COL21A1: variants seen among roughly 807,000 people sequenced by gnomAD.
The protein encoded by COL21A1 is collagen alpha-1(XXI) chain.
In COL21A1, 149 loss-of-function variants were observed where a neutral mutation model predicts 137.9. The observed-to-expected ratio is 1.08, with a 90% confidence interval of 0.95 to 1.24. COL21A1 has a LOEUF of 1.24. Ranked by LOEUF, COL21A1 falls within the 50% of genes most tolerant of loss-of-function variation. The pLI is 0.00. For synonymous variants in COL21A1, 456 were observed against 391.5 expected (o/e 1.16, Z -1.95); for missense variants, 1,167 against 1,158.4 (o/e 1.01, Z -0.11).
intron 1 of COL21A1, among the ~76,000 whole-genome samples, chr6:56,340,568 A>C (rs911745163): frequency 6.6e-6 from 1 of 152,172 alleles, no homozygotes; most frequent in African/African-American, 2.4e-5. Flanking sequence ...AATATTTCAT[A>C]TATAATTATT....
chr6:56,109,362 A>C (rs977665151), intron 16 of COL21A1, among the ~76,000 whole-genome samples: 1 of 151,858 alleles, frequency 6.6e-6, no homozygotes, highest in African/African-American at 2.4e-5. Flanking sequence ...AATGATGACC[A>C]AGGGAGAATA....
At chr6:56,148,283 G>A (rs1172508482) in intron 10 of COL21A1, among the ~76,000 whole-genome samples, 1 of 149,280 alleles carries the variant, frequency 6.7e-6, no homozygotes, top group African/African-American at 2.5e-5. Context: ...CCAAGGGTAG[G>A]ATAGTTCATT....
At chr6:56,393,612 G>A (rs949489910) in intron 1 of COL21A1, among the ~76,000 whole-genome samples, 2 of 152,304 alleles carry the variant, frequency 1.3e-5, no homozygotes, top group African/African-American at 4.8e-5. Context: ...AGACAAAATA[G>A]TGTATAGAGA....
At chr6:56,164,899 T>A in intron 7 of COL21A1, 77 bp from the exon 8 acceptor site, 1 of 1,113,526 alleles carries the variant, frequency 9.0e-7, no homozygotes, top group Non-Finnish European at 1.3e-6. Context: ...TTACAGATAT[T>A]TCACCATCCA....
At chr6:56,136,768 G>A (rs568570280) in intron 12 of COL21A1, among the ~76,000 whole-genome samples, 2 of 152,196 alleles carry the variant, frequency 1.3e-5, no homozygotes, top group African/African-American at 2.4e-5. Flanking sequence ...GAGTCTACAT[G>A]TCCAAAAGTC....
intron 1 of COL21A1, among the ~76,000 whole-genome samples, chr6:56,266,141 G>A (rs1023416197): frequency 9.2e-5 from 14 of 152,102 alleles, no homozygotes; most frequent in African/African-American, 2.9e-4. Flanking sequence ...GATGACAAAA[G>A]ACAGTGAATT....
intron 3 of COL21A1, among the ~76,000 whole-genome samples, chr6:56,178,179 A>G (rs1439681079): frequency 1.3e-5 from 2 of 152,160 alleles, no homozygotes; most frequent in Admixed American, 1.3e-4. Flanking sequence ...GATAAGTGAA[A>G]TTTCTCCAGG....
At chr6:56,275,939 A>C (rs2152333153) in intron 1 of COL21A1, among the ~76,000 whole-genome samples, 1 of 152,342 alleles carries the variant, frequency 6.6e-6, no homozygotes, top group East Asian at 1.9e-4. Context: ...TCATCCCTGC[A>C]CTATTCACAA....
intron 29 of COL21A1, among the ~76,000 whole-genome samples, chr6:56,058,229 AT>A (rs1473163047): frequency 6.6e-6 from 1 of 152,138 alleles, no homozygotes; most frequent in Admixed American, 6.5e-5. Context: ...AAGCTGAGTC[AT>A]TTTTGTGCCG....
intron 1 of COL21A1, among the ~76,000 whole-genome samples, chr6:56,240,966 C>T (rs1477992582): frequency 6.6e-6 from 1 of 152,168 alleles, no homozygotes; most frequent in Non-Finnish European, 1.5e-5. Flanking sequence ...GTTCCAAGTG[C>T]CTCTGCTTCC....
intron 1 of COL21A1, among the ~76,000 whole-genome samples, chr6:56,290,944 A>C (rs1446667004): frequency 6.6e-6 from 1 of 152,058 alleles, no homozygotes; most frequent in East Asian, 1.9e-4. Context: ...AATATCGAGA[A>C]CCACTTCTCT....
At chr6:56,273,623 A>C (rs1437658310) in intron 1 of COL21A1, among the ~76,000 whole-genome samples, 1 of 152,180 alleles carries the variant, frequency 6.6e-6, no homozygotes, top group African/African-American at 2.4e-5. Flanking sequence ...ACGAAACCTA[A>C]AGGATATGGA....
At chr6:56,355,309 T>G (rs1301854535) in intron 1 of COL21A1, among the ~76,000 whole-genome samples, 1 of 152,130 alleles carries the variant, frequency 6.6e-6, no homozygotes, top group African/African-American at 2.4e-5. Context: ...ACAGAGAAGT[T>G]CATTAATCAG....
chr6:56,385,467 T>A lies in COL21A1; in HGVS notation c.-39+8504A>T, dbSNP rs186629350. On this transcript the variant is annotated intron_variant, in intron 1 of 28. Transcript: ENST00000370819. ...CTCATGGCCCCTTCCACCTTCAAAG[T>A]TAGCAAAGGCAATTCGAGTCCTTCT... 1.8e-4 allele frequency among the ~76,000 whole-genome samples: 28 copies of A among 152,314 alleles called. No homozygotes were observed. In the East Asian group the frequency reaches 4.6e-3, roughly 25 times the overall value.
chr6:56,284,229 A>G (rs200417279), intron 1 of COL21A1, among the ~76,000 whole-genome samples: 6 of 86,706 alleles, frequency 6.9e-5, no homozygotes, highest in Non-Finnish European at 3.1e-5. Context: ...TGTATTTTCT[A>G]CTTTTGGTAG....
intron 1 of COL21A1, among the ~76,000 whole-genome samples, chr6:56,211,426 AG>A (rs1246781388): frequency 6.6e-6 from 1 of 151,902 alleles, no homozygotes; most frequent in Non-Finnish European, 1.5e-5. Context: ...TAATAGTTGG[AG>A]TTACTAAAAA....
intron 1 of COL21A1, among the ~76,000 whole-genome samples, chr6:56,268,570 C>T (rs1005670370): frequency 6.6e-6 from 1 of 152,158 alleles, no homozygotes; most frequent in Admixed American, 6.5e-5. Context: ...GGCAAGAATC[C>T]AGACACAAAT....
intron 1 of COL21A1, among the ~76,000 whole-genome samples, chr6:56,288,557 C>G (rs2152335134): frequency 6.6e-6 from 1 of 152,308 alleles, no homozygotes; most frequent in Non-Finnish European, 1.5e-5. Flanking sequence ...ACTACACTTA[C>G]CTCCTAAGGG....
chr6:56,188,601 T>C (rs1171970387), intron 1 of COL21A1, among the ~76,000 whole-genome samples: 1 of 152,164 alleles, frequency 6.6e-6, no homozygotes, highest in Non-Finnish European at 1.5e-5. Context: ...TCTGAAGAGA[T>C]CAGTGGACAT....
Sources: gnomAD v4.1 joint callset for allele counts (sites outside exome capture counted in the v4.1 genomes callset) on GRCh38, gnomAD v4.1.1 for gene constraint, MANE v1.5 for transcripts, NCBI Gene and HGNC (gene_info 2026-07-23, HGNC 2026-07-21) for gene names.